GAREM1: variants seen among roughly 807,000 people sequenced by gnomAD.
GAREM1 encodes GRB2-associated and regulator of MAPK protein 1.
GAREM1 carries 26 observed loss-of-function variants against 71.3 expected under a neutral mutation model. The observed-to-expected ratio is 0.36, with a 90% confidence interval of 0.27 to 0.51. GAREM1 has a LOEUF of 0.51. Ranked by LOEUF, GAREM1 falls within the 20% of genes least tolerant of loss-of-function variation. The probability of loss-of-function intolerance (pLI) is 0.95; values close to 1 mark genes in which losing one functional copy is unlikely to be tolerated. For synonymous variants in GAREM1, 440 were observed against 433.2 expected (o/e 1.02, Z -0.20); for missense variants, 1,026 against 1,103.1 (o/e 0.93, Z 0.99).
intron 2 of GAREM1, among the ~76,000 whole-genome samples, chr18:32,349,880 C>A (rs1054372984): frequency 6.6e-6 from 1 of 152,168 alleles, no homozygotes; most frequent in Non-Finnish European, 1.5e-5. Flanking sequence ...TCAGTGAGCT[C>A]TAAAAGGACA....
intron 2 of GAREM1, among the ~76,000 whole-genome samples, chr18:32,377,802 A>T (rs1403520959): frequency 6.6e-6 from 1 of 152,090 alleles, no homozygotes; most frequent in Admixed American, 6.5e-5. Context: ...TGACCTCGTG[A>T]TCCACCCACC....
chr18:32,312,640 A>C (rs2047335816), intron 2 of GAREM1, among the ~76,000 whole-genome samples: 1 of 152,186 alleles, frequency 6.6e-6, no homozygotes, highest in Non-Finnish European at 1.5e-5. Context: ...TACTGAGAGG[A>C]AGCAGAAGTG....
At position 32,287,159 on chromosome 18, in the gene GAREM1, G is replaced by T; in HGVS notation, c.1438C>A (p.Gln480Lys). 1.9e-6 allele frequency: 3 copies of T among 1,614,224 alleles called. No homozygotes were observed. Among genetic ancestry groups the T allele is most frequent in the South Asian group, 1.1e-5 (1 of 91,076 alleles). ...RSLSEKNRCD[Q>K]FRGSVRSKCA... Reference sequence around the variant, plus strand: ...TTGGATCGGACAGAACCTCTAAACTGATCACATCTGTTCTTCTCGCTCAGA... The same window carrying T: ...TTGGATCGGACAGAACCTCTAAACTTATCACATCTGTTCTTCTCGCTCAGA... Residue 480 changes from glutamine (Q) to lysine (K), a missense_variant, in exon 4 of 6, where the codon CAG becomes AAG. Coordinates refer to ENST00000269209, the MANE Select transcript of GAREM1 (RefSeq NM_001242409.2). The surrounding 1 kb of genome is among the most constrained non-coding windows in gnomAD (Gnocchi z 5.9).
In GAREM1 at chr18:32,437,804, A is replaced by C. The variant is rs143089870; in HGVS notation, c.121+32504T>G. Among the ~76,000 whole-genome samples, 7 of 152,334 alleles carry C rather than the reference A, an allele frequency of 4.6e-5. No individual in the cohort carries two copies. In the East Asian group the frequency reaches 9.6e-4, roughly 21 times the overall value. ...TCCCACATAGACAATAGCAAATATA[A>C]GTTTTAAAGAATGTTTCCTTTTTAA... On this transcript the variant is annotated intron_variant, in intron 1 of 5. Coordinates refer to ENST00000269209, the MANE Select transcript of GAREM1 (RefSeq NM_001242409.2).
chr18:32,272,183 A>C lies in GAREM1; in HGVS notation c.1567-1800T>G, dbSNP rs116508368. Among the ~76,000 whole-genome samples, 617 of 152,288 alleles carry C rather than the reference A, an allele frequency of 4.1e-3. 5 individuals are homozygous for C. The highest frequency in any genetic ancestry group is 0.014 in the African/African-American group (565 of 41,552). On this transcript the variant is annotated intron_variant, in intron 4 of 5. Coordinates refer to ENST00000269209, the MANE Select transcript of GAREM1 (RefSeq NM_001242409.2). ...CACTGCATCTCCTACTATCTACACC[A>C]CACCCGGGACCTCTACCTCGCATCC...
intron 1 of GAREM1, among the ~76,000 whole-genome samples, chr18:32,441,951 T>C (rs2048742246): frequency 6.6e-6 from 1 of 152,052 alleles, no homozygotes; most frequent in African/African-American, 2.4e-5. Flanking sequence ...ACCGTGCAGC[T>C]GAAAGCTGCT....
intron 2 of GAREM1, among the ~76,000 whole-genome samples, chr18:32,364,331 G>A (rs777569630): frequency 2.9e-4 from 44 of 151,416 alleles, no homozygotes; most frequent in Admixed American, 1.3e-4. Flanking sequence ...CACTACACCC[G>A]GCCAAGGTTA....
rs578043980 is a variant in GAREM1 at position 32,466,578 on chromosome 18, T to G, written c.121+3730A>C. On this transcript the variant is annotated intron_variant, in intron 1 of 5. Transcript: ENST00000269209. ...CATAGAAGCAAAAAGGTTGTAAGAA[T>G]GCTACTCTAACACAAGCCTTCAGGG... Among the ~76,000 whole-genome samples the G allele has an allele frequency of 2.6e-3, 402 of 152,294 alleles. 2 individuals are homozygous for G. Among genetic ancestry groups the G allele is most frequent in the African/African-American group, 9.0e-3 (373 of 41,554 alleles).
intron 2 of GAREM1, among the ~76,000 whole-genome samples, chr18:32,371,575 T>G (rs17805905): frequency 2.0e-5 from 3 of 151,890 alleles, no homozygotes; most frequent in African/African-American, 7.3e-5. Context: ...CTGGCTTGGG[T>G]AGGGATACCA....
chr18:32,307,594 C>A (rs2047269326), intron 3 of GAREM1, among the ~76,000 whole-genome samples: 1 of 152,180 alleles, frequency 6.6e-6, no homozygotes, highest in Non-Finnish European at 1.5e-5. Context: ...GTGATCTCGG[C>A]TCACCGCAAC....
intron 4 of GAREM1, among the ~76,000 whole-genome samples, chr18:32,283,913 T>C (rs749804181): frequency 2.5e-4 from 38 of 152,320 alleles, no homozygotes; most frequent in Non-Finnish European, 1.8e-4. Flanking sequence ...GATGTCACCT[T>C]CCCAGCTAAT....
intron 1 of GAREM1, among the ~76,000 whole-genome samples, chr18:32,446,078 T>C (rs2048783046): frequency 6.6e-6 from 1 of 152,154 alleles, no homozygotes; most frequent in Non-Finnish European, 1.5e-5. Flanking sequence ...GAAACAATGA[T>C]ACACAGAGCT....
At chr18:32,295,388 G>A (rs1271134707) in intron 3 of GAREM1, among the ~76,000 whole-genome samples, 2 of 151,958 alleles carry the variant, frequency 1.3e-5, no homozygotes, top group Non-Finnish European at 2.9e-5. Context: ...CTATGATGTC[G>A]GCATCTTTGT....
chr18:32,268,032 C>A lies in GAREM1; in HGVS notation c.2470G>T (p.Gly824Cys), dbSNP rs1448486080. ...EEVSKSLRFI[G>C]LSEDVISFFV... ...AATGATATGACATCTTCGGACAAACCAATGAACCGTAGTGACTTGGACACT... is the reference window on the plus strand; with the variant it reads ...AATGATATGACATCTTCGGACAAACAAATGAACCGTAGTGACTTGGACACT... The change falls in exon 6 of 6, where the codon GGT (glycine) becomes TGT (cysteine). Residue 824 changes from glycine to cysteine, a missense_variant. Gly to Cys is a radical substitution (Grantham distance 159, BLOSUM62 -3). Around this residue, in one of 3 missense-constraint regions of GAREM1, gnomAD observed 636 missense variants for 631.2 expected, o/e 1.01. Coordinates refer to ENST00000269209, the MANE Select transcript of GAREM1 (RefSeq NM_001242409.2). 6.2e-7 allele frequency: 1 copy of A among 1,614,086 alleles called. No individual in the cohort carries two copies. The highest frequency in any genetic ancestry group is 8.5e-7 in the Non-Finnish European group (1 of 1,179,996).
At chr18:32,310,379 C>T in intron 2 of GAREM1, 56 bp from the exon 3 acceptor site, 1 of 1,572,832 alleles carries the variant, frequency 6.4e-7, no homozygotes. Context: ...ACTGCTGTTA[C>T]CATGGCAACA....
At chr18:32,284,923 G>A (rs1336563656) in intron 4 of GAREM1, among the ~76,000 whole-genome samples, 1 of 151,888 alleles carries the variant, frequency 6.6e-6, no homozygotes, top group African/African-American at 2.4e-5. Context: ...CTAATTTGTT[G>A]TATTTTTAGT....
chr18:32,470,514 C>A lies in GAREM1; in HGVS notation c.-86G>T, dbSNP rs1476519133. 2.0e-6 allele frequency: 2 copies of A among 992,928 alleles called. No individual in the cohort carries two copies. Among genetic ancestry groups the A allele is most frequent in the Non-Finnish European group, 2.4e-6 (2 of 820,616 alleles). The allele number at this position is 992,928 out of a possible 1,614,324, so 61.5% of individuals were successfully genotyped here. ...CGGCGGCCGCCGCTGCTCGCGCTCG[C>A]GGTCTGGGGCGCGCGGGAGGCGCCG... is the stretch of plus-strand genomic sequence containing the variant. On this transcript the variant is annotated 5_prime_UTR_variant, in exon 1 of 6. Coordinates refer to ENST00000269209, the MANE Select transcript of GAREM1 (RefSeq NM_001242409.2). This position sits in a 1 kb window ranked among gnomAD's most constrained non-coding sequence, Gnocchi z 4.4.
chr18:32,386,922 GAT>G (rs910563328), intron 2 of GAREM1, among the ~76,000 whole-genome samples: 14 of 152,078 alleles, frequency 9.2e-5, no homozygotes, highest in African/African-American at 3.4e-4. Flanking sequence ...TTCTACAGTA[GAT>G]CTCCATTTTA....
chr18:32,463,614 G>C (rs1321173236), intron 1 of GAREM1, among the ~76,000 whole-genome samples: 1 of 145,346 alleles, frequency 6.9e-6, no homozygotes, highest in Non-Finnish European at 1.5e-5. Context: ...CTGTCGCCCA[G>C]GCCGGGGTGC....
Sources: gnomAD v4.1 joint callset for allele counts (sites outside exome capture counted in the v4.1 genomes callset) on GRCh38, gnomAD v4.1.1 for gene constraint, gnomAD v4.1.1 regional missense constraint, Gnocchi (gnomAD v3.1) non-coding constraint, MANE v1.5 for transcripts, NCBI Gene and HGNC (gene_info 2026-07-23, HGNC 2026-07-21) for gene names.